The following ANTXR1 variants were observed in gnomAD, a reference collection of about 807,000 sequenced individuals.
ANTXR1 encodes ANTXR cell adhesion molecule 1.
Under a neutral mutation model 78.1 loss-of-function variants are expected in ANTXR1, and 19 were observed. That is an observed-to-expected ratio of 0.24 (90% confidence interval 0.17 to 0.36). The LOEUF (loss-of-function observed/expected upper bound fraction) is 0.36. Ranked by LOEUF, ANTXR1 falls within the 10% of genes least tolerant of loss-of-function variation. ANTXR1 has a pLI of 1.00. For synonymous variants in ANTXR1, 273 were observed against 260.5 expected (o/e 1.05, Z -0.46); for missense variants, 518 against 718.6 (o/e 0.72, Z 3.19).
At chr2:69,028,249 T>C (rs1671411731) in intron 1 of ANTXR1, among the ~76,000 whole-genome samples, 1 of 152,204 alleles carries the variant, frequency 6.6e-6, no homozygotes, top group African/African-American at 2.4e-5. Context: ...CACCAAGTGA[T>C]AATCTCAATT....
chr2:69,085,706 A>T (rs981975151), intron 8 of ANTXR1, among the ~76,000 whole-genome samples: 5 of 73,634 alleles, frequency 6.8e-5, no homozygotes, highest in Admixed American at 5.2e-4. Context: ...TGACCAAACA[A>T]TAAAAAAAAA....
In ANTXR1 at chr2:69,035,889, C is replaced by T. The variant is rs147131300; in HGVS notation, c.153-4155C>T. Among the ~76,000 whole-genome samples the T allele has an allele frequency of 7.9e-5, 12 of 152,328 alleles. No individual in the cohort carries two copies. In the East Asian group the frequency reaches 2.1e-3, roughly 27 times the overall value. On this transcript the variant is annotated intron_variant, in intron 1 of 17. Coordinates refer to ENST00000303714, the MANE Select transcript of ANTXR1 (RefSeq NM_032208.3). ...ACCCAAGGATATATTTTGGATCTTT[C>T]CCTATATCTGGCATCAACAAATCAG...
intron 17 of ANTXR1, among the ~76,000 whole-genome samples, chr2:69,200,884 T>C (rs1485501081): frequency 6.6e-6 from 1 of 152,146 alleles, no homozygotes; most frequent in East Asian, 1.9e-4. Context: ...AGAACAGAAA[T>C]TGAGGCTCAG....
chr2:69,104,882 G>A (rs576284615), intron 10 of ANTXR1, among the ~76,000 whole-genome samples: 2 of 152,252 alleles, frequency 1.3e-5, no homozygotes, highest in East Asian at 3.9e-4. Context: ...TCAGGAGTTC[G>A]AGACCAGCCT....
At chr2:69,244,163 C>A (rs112444694) in intron 17 of ANTXR1, among the ~76,000 whole-genome samples, 9 of 152,318 alleles carry the variant, frequency 5.9e-5, no homozygotes, top group African/African-American at 1.9e-4. Context: ...GAGAGCAGAG[C>A]AGATACTATA....
At chr2:69,064,489 A>T (rs546056165) in intron 3 of ANTXR1, among the ~76,000 whole-genome samples, 6 of 152,344 alleles carry the variant, frequency 3.9e-5, no homozygotes, top group African/African-American at 1.4e-4. Flanking sequence ...AGCAAGTTAC[A>T]TGGCCACATG....
At chr2:69,026,995 G>C (rs1321434414) in intron 1 of ANTXR1, among the ~76,000 whole-genome samples, 2 of 152,196 alleles carry the variant, frequency 1.3e-5, no homozygotes. Flanking sequence ...GGTCAAGCCA[G>C]GGTCTACTTT....
intron 17 of ANTXR1, among the ~76,000 whole-genome samples, chr2:69,239,237 G>A (rs1393815434): frequency 6.6e-6 from 1 of 152,168 alleles, no homozygotes; most frequent in Non-Finnish European, 1.5e-5. Flanking sequence ...AAAGAATTCA[G>A]ATTAAATTAT....
intron 14 of ANTXR1, 49 bp downstream of exon 14, chr2:69,170,338 G>A: frequency 6.2e-7 from 1 of 1,610,006 alleles, no homozygotes; most frequent in Non-Finnish European, 8.5e-7. Flanking sequence ...TGGCAGAGTA[G>A]GGTGGAGAGC....
intron 3 of ANTXR1, among the ~76,000 whole-genome samples, chr2:69,063,251 T>C (rs1670297636): frequency 6.6e-6 from 1 of 151,910 alleles, no homozygotes; most frequent in Admixed American, 6.6e-5. Context: ...TAGTCAAATT[T>C]CTGAAAAATC....
rs1275624991 is a variant in ANTXR1, at chr2:69,245,696, T to G, written c.*211T>G. ...AAAACAAATGATGAGGCAACTACAG[T>G]CAGATTTATAGCCAGCCATCTATCA... On this transcript the variant is annotated 3_prime_UTR_variant, in exon 18 of 18. Transcript: ENST00000303714. 1 of 622,694 alleles carries G rather than the reference T, an allele frequency of 1.6e-6. No individual in the cohort carries two copies. Among genetic ancestry groups the G allele is most frequent in the African/African-American group, 1.8e-5 (1 of 54,956 alleles). The allele number at this position is 622,694 out of a possible 1,614,324, so 38.6% of individuals were successfully genotyped here.
intron 6 of ANTXR1, 23 bp from the exon 7 acceptor site, chr2:69,075,567 T>C: frequency 6.2e-7 from 1 of 1,612,868 alleles, no homozygotes; most frequent in Non-Finnish European, 8.5e-7. Context: ...CTCTTTCTAA[T>C]GTCCTTTCTT....
chr2:69,117,904 T>G (rs1672203315), intron 10 of ANTXR1, among the ~76,000 whole-genome samples: 2 of 152,136 alleles, frequency 1.3e-5, no homozygotes, highest in African/African-American at 4.8e-5. Context: ...GTATGCAGCT[T>G]GAGGGATGCC....
intron 8 of ANTXR1, among the ~76,000 whole-genome samples, chr2:69,089,188 A>T (rs1671147398): frequency 6.6e-6 from 1 of 152,222 alleles, no homozygotes; most frequent in Non-Finnish European, 1.5e-5. Flanking sequence ...TAGTCAGAAA[A>T]TCTGAATTTT....
chr2:69,036,316 T>A (rs1432813378), intron 1 of ANTXR1, among the ~76,000 whole-genome samples: 1 of 152,258 alleles, frequency 6.6e-6, no homozygotes, highest in Non-Finnish European at 1.5e-5. Flanking sequence ...AAGCACATCA[T>A]GTAAAATTGG....
intron 1 of ANTXR1, among the ~76,000 whole-genome samples, chr2:69,036,620 C>CT (rs1669436194): frequency 2.0e-5 from 3 of 152,180 alleles, no homozygotes. Flanking sequence ...ACCCTACCCC[C>CT]TCAGTAACCA....
rs558964061 is a variant in ANTXR1, at chr2:69,189,954, A to C, written c.1354-3381A>C. On this transcript the variant is annotated intron_variant, in intron 16 of 17. Transcript: ENST00000303714. ...AAATAGATACCCAGATCTGGAGCTC[A>C]AGAGAGGACTGGGCTGAGTATAGAA... is the stretch of plus-strand genomic sequence containing the variant. Among the ~76,000 whole-genome samples the C allele has an allele frequency of 1.1e-4, 16 of 152,346 alleles. No individual in the cohort carries two copies. In the South Asian group the frequency reaches 3.3e-3, roughly 32 times the overall value.
Position 69,245,254 on chromosome 2 carries a change from G to T in ANTXR1, c.1464G>T (p.Lys488Asn). The T allele has an allele frequency of 6.2e-7, 1 of 1,613,906 alleles. No homozygotes were observed. Among genetic ancestry groups the T allele is most frequent in the South Asian group, 1.1e-5 (1 of 91,058 alleles). The change falls in exon 18 of 18, where the codon AAG (lysine) becomes AAT (asparagine). Residue 488 changes from lysine to asparagine, a missense_variant. Lys to Asn is a moderately conservative substitution (Grantham distance 94, BLOSUM62 0). This residue lies in a region of ANTXR1 where 192 missense variants were observed against 230.2 expected (regional missense o/e 0.83). Transcript: ENST00000303714. ...TGRCINFTRVKNNQPAKYPLN... is the reference protein window; with the variant it reads ...TGRCINFTRVNNNQPAKYPLN... Reference sequence around the variant, plus strand: ...GCTGCATCAACTTCACCAGGGTCAAGAACAACCAGCCAGCCAAGTACCCAC... The same window carrying T: ...GCTGCATCAACTTCACCAGGGTCAATAACAACCAGCCAGCCAAGTACCCAC...
intron 17 of ANTXR1, among the ~76,000 whole-genome samples, chr2:69,236,898 G>A (rs1162798628): frequency 6.6e-6 from 1 of 152,164 alleles, no homozygotes; most frequent in Non-Finnish European, 1.5e-5. Flanking sequence ...CCACCACTGG[G>A]TGTGTGTCTG....
Sources: allele counts gnomAD v4.1 joint callset (sites outside exome capture counted in the v4.1 genomes callset), GRCh38; gene constraint gnomAD v4.1.1; regional missense constraint gnomAD v4.1.1; transcripts MANE v1.5; gene names NCBI Gene and HGNC (gene_info 2026-07-23, HGNC 2026-07-21).